SARAF: variants seen among roughly 807,000 people sequenced by gnomAD.
SARAF encodes store-operated calcium entry associated regulatory factor, also known as store-operated calcium entry-associated regulatory factor.
In SARAF, 23 loss-of-function variants were observed where a neutral mutation model predicts 39.7. That is an observed-to-expected ratio of 0.58 (90% CI 0.42 to 0.82). SARAF has a LOEUF of 0.82. Ranked by LOEUF, SARAF falls within the 40% of genes least tolerant of loss-of-function variation. The pLI is 0.00. For synonymous variants in SARAF, 175 were observed against 168.5 expected (o/e 1.04, Z -0.30); for missense variants, 384 against 418.5 (o/e 0.92, Z 0.72).
At chr8:30,075,565 C>A (rs1801938914) in intron 1 of SARAF, among the ~76,000 whole-genome samples, 1 of 152,202 alleles carries the variant, frequency 6.6e-6, no homozygotes, top group Non-Finnish European at 1.5e-5. Context: ...TTATACAGTG[C>A]TCTGTCCTTC....
chr8:30,083,040 T>A lies in SARAF; in HGVS notation c.-91A>T. 1 of 957,682 alleles carries A rather than the reference T, an allele frequency of 1.0e-6. No individual in the cohort carries two copies. Among genetic ancestry groups the A allele is most frequent in the Non-Finnish European group, 1.5e-6 (1 of 667,158 alleles). 59.3% of individuals were successfully genotyped at this position (957,682 alleles called of 1,614,324 possible). ...GCGCGACGCTGCGCAGCTACACCGC[T>A]ACCCCTGGCGGCGGCGAAGGAACGG... On this transcript the variant is annotated 5_prime_UTR_variant, in exon 1 of 6. Coordinates refer to ENST00000256255, the MANE Select transcript of SARAF (RefSeq NM_016127.6).
chr8:30,080,542 GTTTA>G (rs1346120470), intron 1 of SARAF, among the ~76,000 whole-genome samples: 8 of 152,172 alleles, frequency 5.3e-5, no homozygotes, highest in Non-Finnish European at 7.4e-5. Context: ...ATGTTTATCT[GTTTA>G]TTGTCTATTT....
upstream of SARAF, chr8:30,083,084 GCCGCAACGGAT>G (rs1282651723): frequency 6.7e-6 from 4 of 598,524 alleles, no homozygotes; most frequent in Non-Finnish European, 1.1e-5. Context: ...CAGAGCTGCA[GCCGCAACGGAT>G]CCGTGCGCCA....
intron 5 of SARAF, among the ~76,000 whole-genome samples, chr8:30,065,433 T>C (rs889430212): frequency 6.6e-6 from 1 of 152,198 alleles, no homozygotes; most frequent in African/African-American, 2.4e-5. Flanking sequence ...AATTAATCAT[T>C]GTTCTATAAC....
chr8:30,065,776 T>G, intron 5 of SARAF: 1 of 548,620 alleles, frequency 1.8e-6, no homozygotes, highest in Non-Finnish European at 3.2e-6. Context: ...GTTAAAACCT[T>G]GGTCTATGGT....
intron 1 of SARAF, among the ~76,000 whole-genome samples, chr8:30,081,643 A>G (rs1802099177): frequency 6.6e-6 from 1 of 152,240 alleles, no homozygotes; most frequent in Non-Finnish European, 1.5e-5. Flanking sequence ...TAAATTCGAC[A>G]ATGCAGGCAT....
chr8:30,078,211 C>G, intron 1 of SARAF: 1 of 393,886 alleles, frequency 2.5e-6, no homozygotes. Flanking sequence ...AAGAAAATTA[C>G]CAGTTCAGGA....
intron 1 of SARAF, among the ~76,000 whole-genome samples, chr8:30,076,321 C>G (rs1242805640): frequency 6.6e-6 from 1 of 152,202 alleles, no homozygotes; most frequent in African/African-American, 2.4e-5. Flanking sequence ...GCACAAAATG[C>G]TAACAGCCAT....
Position 30,067,918 on chromosome 8 carries a change from A to G in SARAF, c.701-1000T>C, listed in dbSNP as rs961426264. 2.6e-5 allele frequency among the ~76,000 whole-genome samples: 4 copies of G among 152,136 alleles called. No individual in the cohort carries two copies. In the East Asian group the frequency reaches 7.7e-4, roughly 29 times the overall value. On this transcript the variant is annotated intron_variant, in intron 3 of 5. Coordinates refer to ENST00000256255, the MANE Select transcript of SARAF (RefSeq NM_016127.6). ...GTATGCATGTTTGGGTTGTTTTACC[A>G]TTTAAACTCCTACCGGCAAAGTATG...
At chr8:30,078,723 T>A (rs10107082) in intron 1 of SARAF, among the ~76,000 whole-genome samples, 3 of 151,566 alleles carry the variant, frequency 2.0e-5, no homozygotes, top group Admixed American at 2.0e-4. Context: ...AAAATATATA[T>A]AGAGAGAGAG....
intron 1 of SARAF, among the ~76,000 whole-genome samples, chr8:30,080,696 G>C (rs1802077450): frequency 6.6e-6 from 1 of 152,158 alleles, no homozygotes; most frequent in Non-Finnish European, 1.5e-5. Flanking sequence ...TCTTTAGAAT[G>C]GTGCTAATTT....
chr8:30,080,302 G>A (rs368794008), intron 1 of SARAF, among the ~76,000 whole-genome samples: 45 of 152,024 alleles, frequency 3.0e-4, no homozygotes, highest in African/African-American at 9.6e-4. Flanking sequence ...TACCCTCTTC[G>A]GTCTGTTTTC....
chr8:30,067,157 G>T (rs1801709516), intron 3 of SARAF: 2 of 480,880 alleles, frequency 4.2e-6, no homozygotes, highest in South Asian at 4.9e-5. Flanking sequence ...GGAGGGTCTT[G>T]CTATAAAATG....
chr8:30,075,498 A>G (rs1318593320), intron 1 of SARAF, among the ~76,000 whole-genome samples: 1 of 152,098 alleles, frequency 6.6e-6, no homozygotes, highest in Non-Finnish European at 1.5e-5. Flanking sequence ...GCCAAAAGCA[A>G]TTTCAGTTCT....
At chr8:30,067,171 TCTGCC>T in intron 3 of SARAF, 1 of 413,662 alleles carries the variant, frequency 2.4e-6, no homozygotes, top group Non-Finnish European at 4.4e-6. Context: ...TAAAATGACA[TCTGCC>T]CTGCTCAATC....
rs1802144989 is a variant in SARAF at position 30,082,995 on chromosome 8, G to A, written c.-46C>T. On this transcript the variant is annotated 5_prime_UTR_variant, in exon 1 of 6. Transcript: ENST00000256255. ...CCGGGCTGCCAGACGCCTACGGGCC[G>A]AACCTGGGTGCGGTAGCGCGCGCGA... The A allele has an allele frequency of 2.1e-6, 3 of 1,435,272 alleles. No homozygotes were observed. Among genetic ancestry groups the A allele is most frequent in the African/African-American group, 1.5e-5 (1 of 68,006 alleles). 88.9% of individuals were successfully genotyped at this position (1,435,272 alleles called of 1,614,324 possible).
chr8:30,065,830 G>A (rs1801670501), intron 5 of SARAF, 158 bp downstream of exon 5: 1 of 820,234 alleles, frequency 1.2e-6, no homozygotes, highest in South Asian at 1.6e-5. Flanking sequence ...TTTAAAGAAT[G>A]TTTAAAAGTG....
At chr8:30,073,143 C>T (rs906751230) in intron 2 of SARAF, among the ~76,000 whole-genome samples, 9 of 152,118 alleles carry the variant, frequency 5.9e-5, no homozygotes, top group African/African-American at 9.7e-5. Flanking sequence ...GCAAAGACCA[C>T]GCATAAAGGT....
chr8:30,066,216 G>C lies in SARAF; in HGVS notation c.843-77C>G. The C allele has an allele frequency of 2.1e-6, 3 of 1,422,374 alleles. No homozygotes were observed. The Admixed American group carries it at 6.8e-5, about 32-fold the overall frequency. The allele number at this position is 1,422,374 out of a possible 1,614,324, so 88.1% of individuals were successfully genotyped here. The stretch of plus-strand genomic sequence containing the variant: ...TTAAATACCTTCCTGTTCCTAAACT[G>C]TCAGAAAAAAATATCTTTATCAAGT... On this transcript the variant is annotated intron_variant, in intron 4 of 5. Transcript: ENST00000256255.
Sources: gnomAD v4.1 joint callset for allele counts (sites outside exome capture counted in the v4.1 genomes callset) on GRCh38, gnomAD v4.1.1 for gene constraint, MANE v1.5 for transcripts, NCBI Gene and HGNC (gene_info 2026-07-23, HGNC 2026-07-21) for gene names.